Variants in FUT9 observed in about 807,000 individuals in gnomAD.
The protein encoded by FUT9 is fucosyltransferase 9, also known as 4-galactosyl-N-acetylglucosaminide 3-alpha-L-fucosyltransferase 9.
Under a neutral mutation model 29.7 loss-of-function variants are expected in FUT9, and 15 were observed. The observed-to-expected ratio is 0.51, with a 90% CI of 0.34 to 0.78. The LOEUF (loss-of-function observed/expected upper bound fraction) is 0.78, where lower values mean the gene tolerates loss of function less well. Ranked by LOEUF, FUT9 falls within the 30% of genes least tolerant of loss-of-function variation. FUT9 has a pLI of 0.01. For synonymous variants in FUT9, 169 were observed against 153.7 expected, an observed-to-expected ratio of 1.10 and a Z score of -0.74; for missense variants, 319 against 425.4, an observed-to-expected ratio of 0.75 and a Z score of 2.20.
At chr6:96,049,066 A>G (rs145730536) in intron 1 of FUT9, among the ~76,000 whole-genome samples, 2 of 152,356 alleles carry the variant, frequency 1.3e-5, no homozygotes, top group African/African-American at 4.8e-5. Flanking sequence ...TGCCTGACAC[A>G]TATTAAATAA....
intron 2 of FUT9, among the ~76,000 whole-genome samples, chr6:96,183,862 A>G (rs1484210717): frequency 6.6e-6 from 1 of 151,780 alleles, no homozygotes; most frequent in Non-Finnish European, 1.5e-5. Flanking sequence ...TTGTTAAGGA[A>G]TTTTGCATCT....
At chr6:96,125,557 G>C (rs1772118611) in intron 2 of FUT9, among the ~76,000 whole-genome samples, 1 of 152,144 alleles carries the variant, frequency 6.6e-6, no homozygotes, top group African/African-American at 2.4e-5. Flanking sequence ...ATCTAACAGG[G>C]ATTAATATTA....
intron 1 of FUT9, among the ~76,000 whole-genome samples, chr6:96,097,899 A>G (rs1192607136): frequency 1.3e-5 from 2 of 152,154 alleles, no homozygotes; most frequent in East Asian, 3.9e-4. Flanking sequence ...TCATATAAAA[A>G]GGCAAAGATA....
Position 96,085,816 on chromosome 6 carries a change from G to A in FUT9, c.-97-28223G>A, listed in dbSNP as rs1582219358. Among the ~76,000 whole-genome samples, 3 of 152,056 alleles carry A rather than the reference G, an allele frequency of 2.0e-5. No individual in the cohort carries two copies. The East Asian group carries it at 5.8e-4, about 29-fold the overall frequency. ...GTACTCTACTTCATTGCTTCTAATT[G>A]CTTTATAGTAGTTCATGCCTTGCAT... On this transcript the variant is annotated intron_variant, in intron 1 of 2. Transcript: ENST00000302103.
At chr6:96,101,253 A>G (rs527694954) in intron 1 of FUT9, among the ~76,000 whole-genome samples, 1 of 152,238 alleles carries the variant, frequency 6.6e-6, no homozygotes, top group African/African-American at 2.4e-5. Flanking sequence ...AGAACATAAA[A>G]ATGGGCCAGG....
rs1771358376 is a variant in FUT9 at position 96,088,532 on chromosome 6, GTGTGTGT to G, written c.-97-25506_-97-25500del. 1.8e-3 allele frequency among the ~76,000 whole-genome samples: 10 copies of G among 5,610 alleles called. No homozygotes were observed. In the Non-Finnish European group the frequency reaches 0.1, roughly 57 times the overall value. 3.7% of individuals were successfully genotyped at this position (5,610 alleles called of 152,430 possible). On this transcript the variant is annotated intron_variant, in intron 1 of 2. Transcript: ENST00000302103. The stretch of plus-strand genomic sequence containing the variant: ...GTATGATTCTCTGTTTGTTTGTTTT[GTGTGTGT>G]GTGTGTGTGTGTGTGTGTGTGTGTG...
chr6:96,085,597 T>G (rs746011379), intron 1 of FUT9, among the ~76,000 whole-genome samples: 2 of 151,168 alleles, frequency 1.3e-5, no homozygotes, highest in Non-Finnish European at 2.9e-5. Flanking sequence ...TCTTTTTGGC[T>G]AAATAAACAA....
chr6:96,193,863 C>G (rs1408354614), intron 2 of FUT9, among the ~76,000 whole-genome samples: 1 of 152,140 alleles, frequency 6.6e-6, no homozygotes, highest in African/African-American at 2.4e-5. Context: ...CCATGGAATA[C>G]TATGCAGCCA....
Position 96,214,074 on chromosome 6 carries a change from G to A in FUT9, c.*9839G>A, listed in dbSNP as rs747638609. ...CTAATGAGCCAATAAACAATGCTGC[G>A]TTTCTTTTTTCTAACTGCAGCATAT... On this transcript the variant is annotated 3_prime_UTR_variant, in exon 3 of 3. Coordinates refer to ENST00000302103, the MANE Select transcript of FUT9 (RefSeq NM_006581.4). The A allele has an allele frequency of 7.8e-5, 13 of 166,890 alleles. No homozygotes were observed. Among genetic ancestry groups the A allele is most frequent in the East Asian group, 3.9e-4 (2 of 5,184 alleles). 10.3% of individuals were successfully genotyped at this position (166,890 alleles called of 1,614,324 possible).
chr6:96,183,405 G>C (rs1773345041), intron 2 of FUT9, among the ~76,000 whole-genome samples: 1 of 151,938 alleles, frequency 6.6e-6, no homozygotes, highest in African/African-American at 2.4e-5. Context: ...GTGACAGTTG[G>C]ACTTCCTCTT....
At chr6:96,016,464 C>T (rs1054995320) in intron 1 of FUT9, among the ~76,000 whole-genome samples, 1 of 152,192 alleles carries the variant, frequency 6.6e-6, no homozygotes, top group African/African-American at 2.4e-5. Context: ...TTCCAGCCCC[C>T]AGGCTCCCAC....
intron 2 of FUT9, among the ~76,000 whole-genome samples, chr6:96,126,618 T>G (rs1408608502): frequency 2.6e-5 from 4 of 152,242 alleles, no homozygotes; most frequent in Non-Finnish European, 5.9e-5. Flanking sequence ...TTGTTAGACT[T>G]CAGTGCATTT....
At chr6:96,183,725 G>T (rs1773352399) in intron 2 of FUT9, among the ~76,000 whole-genome samples, 1 of 151,906 alleles carries the variant, frequency 6.6e-6, no homozygotes, top group Admixed American at 6.6e-5. Context: ...TTTTAATTCT[G>T]TTTATGTGTT....
chr6:96,145,556 G>A (rs1171556206), intron 2 of FUT9, among the ~76,000 whole-genome samples: 2 of 152,158 alleles, frequency 1.3e-5, no homozygotes, highest in Non-Finnish European at 2.9e-5. Flanking sequence ...AGTAATGAAT[G>A]CTAAAGAAGA....
chr6:96,115,108 A>G (rs896432884), intron 2 of FUT9, among the ~76,000 whole-genome samples: 1 of 152,212 alleles, frequency 6.6e-6, no homozygotes, highest in African/African-American at 2.4e-5. Flanking sequence ...CTCTGAATGC[A>G]TTGTGACACA....
At chr6:96,176,780 T>G (rs1773212555) in intron 2 of FUT9, among the ~76,000 whole-genome samples, 1 of 152,146 alleles carries the variant, frequency 6.6e-6, no homozygotes, top group African/African-American at 2.4e-5. Flanking sequence ...ATTTGTAATC[T>G]GGGACTCTCC....
chr6:96,215,211 T>G lies in FUT9; in HGVS notation c.*10976T>G, dbSNP rs1404553953. 6.0e-6 allele frequency: 1 copy of G among 167,070 alleles called. No individual in the cohort carries two copies. The highest frequency in any genetic ancestry group is 2.4e-5 in the African/African-American group (1 of 41,464). 10.3% of individuals were successfully genotyped at this position (167,070 alleles called of 1,614,324 possible). On this transcript the variant is annotated 3_prime_UTR_variant, in exon 3 of 3. Coordinates refer to ENST00000302103, the MANE Select transcript of FUT9 (RefSeq NM_006581.4). ...GAGAAAATCTGTATATTCAGCTATT[T>G]GGAGAACTCGTGTTTTCCACAAATT...
At chr6:96,165,872 T>C (rs888578037) in intron 2 of FUT9, among the ~76,000 whole-genome samples, 1 of 152,138 alleles carries the variant, frequency 6.6e-6, no homozygotes, top group African/African-American at 2.4e-5. Context: ...AGCCTCAACC[T>C]CCCAGAGTGC....
At chr6:96,027,125 T>C (rs1438403750) in intron 1 of FUT9, among the ~76,000 whole-genome samples, 2 of 151,694 alleles carry the variant, frequency 1.3e-5, no homozygotes, top group Admixed American at 1.3e-4. Flanking sequence ...CTGATACTCA[T>C]TCCCAGTTTT....
Sources: gnomAD v4.1 joint callset for allele counts (sites outside exome capture counted in the v4.1 genomes callset) on GRCh38, gnomAD v4.1.1 for gene constraint, MANE v1.5 for transcripts, NCBI Gene and HGNC (gene_info 2026-07-23, HGNC 2026-07-21) for gene names.